The following KCND2 variants were observed in gnomAD, a reference collection of about 807,000 sequenced individuals.
KCND2 encodes the protein potassium voltage-gated channel subfamily D member 2.
KCND2 carries 16 observed loss-of-function variants against 54.4 expected under a neutral mutation model. That is an observed-to-expected ratio of 0.29 (90% CI 0.20 to 0.45). KCND2 has a LOEUF of 0.45. Ranked by LOEUF, KCND2 falls within the 20% of genes least tolerant of loss-of-function variation. The probability of loss-of-function intolerance (pLI) is 1.00; values close to 1 mark genes in which losing one functional copy is unlikely to be tolerated. For missense variants in KCND2, 486 were observed against 824.2 expected (o/e 0.59, Z 5.02); for synonymous variants, 317 against 310.7 (o/e 1.02, Z -0.21).
intron 1 of KCND2, among the ~76,000 whole-genome samples, chr7:120,411,366 C>CT: frequency 6.6e-6 from 1 of 151,586 alleles, no homozygotes; most frequent in South Asian, 2.1e-4. Context: ...TTTGTCATGA[C>CT]TTTTTTTCTA....
At chr7:120,500,812 A>G (rs1802920638) in intron 1 of KCND2, among the ~76,000 whole-genome samples, 1 of 150,064 alleles carries the variant, frequency 6.7e-6, no homozygotes, top group Admixed American at 6.7e-5. Flanking sequence ...TTTATATTAT[A>G]TATTTAAATT....
chr7:120,426,785 C>CTAATT (rs2116151359), intron 1 of KCND2, among the ~76,000 whole-genome samples: 1 of 151,974 alleles, frequency 6.6e-6, no homozygotes, highest in East Asian at 1.9e-4. Flanking sequence ...CCATGCCCGG[C>CTAATT]TAATTTTTTG....
intron 1 of KCND2, among the ~76,000 whole-genome samples, chr7:120,609,907 T>G (rs1792931726): frequency 1.3e-5 from 2 of 152,148 alleles, no homozygotes; most frequent in Admixed American, 1.3e-4. Context: ...AGAACAGTAT[T>G]AAATTATCCA....
intron 1 of KCND2, among the ~76,000 whole-genome samples, chr7:120,291,793 C>A (rs1474706232): frequency 6.6e-6 from 1 of 151,976 alleles, no homozygotes; most frequent in African/African-American, 2.4e-5. Flanking sequence ...CTGTTTAAGG[C>A]TCTGAAATGA....
chr7:120,573,045 C>G (rs1241270029), intron 1 of KCND2, among the ~76,000 whole-genome samples: 1 of 152,006 alleles, frequency 6.6e-6, no homozygotes, highest in Non-Finnish European at 1.5e-5. Context: ...CATAAAAATC[C>G]TTTTTAGATT....
chr7:120,377,821 G>T (rs955599867), intron 1 of KCND2, among the ~76,000 whole-genome samples: 2 of 151,878 alleles, frequency 1.3e-5, no homozygotes, highest in Non-Finnish European at 2.9e-5. Context: ...CACCCAGAAA[G>T]CCTCTGTGTG....
chr7:120,714,231 T>C (rs1269184074), intron 1 of KCND2, among the ~76,000 whole-genome samples: 1 of 152,150 alleles, frequency 6.6e-6, no homozygotes, highest in Admixed American at 6.6e-5. Flanking sequence ...AGAATGCTAC[T>C]AAGATGTTCA....
intron 1 of KCND2, among the ~76,000 whole-genome samples, chr7:120,580,896 C>T (rs991028045): frequency 1.6e-4 from 24 of 152,104 alleles, no homozygotes; most frequent in Admixed American, 5.2e-4. Context: ...GCCAAATTAC[C>T]TTAGTGTAAG....
In KCND2 at chr7:120,275,113, G is replaced by A; in HGVS notation, c.481G>A (p.Ala161Thr). 6.2e-7 allele frequency: 1 copy of A among 1,613,660 alleles called. No homozygotes were observed. Among genetic ancestry groups the A allele is most frequent in the South Asian group, 1.1e-5 (1 of 91,074 alleles). ...GGATACCGACACCGCTGGGGAGAGC[G>A]CCTTGCCCACCATGACTGCAAGGCA... ...DADTDTAGES[A>T]LPTMTARQRV... Residue 161 changes from alanine (A) to threonine (T), a missense_variant, in exon 1 of 6, where the codon GCC (alanine) becomes ACC (threonine). Coordinates refer to ENST00000331113, the MANE Select transcript of KCND2 (RefSeq NM_012281.3).
intron 1 of KCND2, 140 bp downstream of exon 1, chr7:120,275,887 CA>C: frequency 2.1e-6 from 2 of 946,464 alleles, no homozygotes; most frequent in Non-Finnish European, 3.2e-6. Flanking sequence ...AATGGTTTGG[CA>C]AAACTCTTTT....
intron 1 of KCND2, among the ~76,000 whole-genome samples, chr7:120,723,837 T>G (rs1264502570): frequency 1.3e-5 from 2 of 152,200 alleles, no homozygotes; most frequent in African/African-American, 2.4e-5. Flanking sequence ...GTGGCAGGTC[T>G]CGCCACTTCT....
intron 1 of KCND2, among the ~76,000 whole-genome samples, chr7:120,291,909 T>G (rs1284712054): frequency 6.6e-6 from 1 of 151,906 alleles, no homozygotes; most frequent in Non-Finnish European, 1.5e-5. Flanking sequence ...GAACCTGATT[T>G]TCCTTCTGCC....
At chr7:120,528,204 G>C (rs1791800409) in intron 1 of KCND2, among the ~76,000 whole-genome samples, 1 of 152,072 alleles carries the variant, frequency 6.6e-6, no homozygotes, top group African/African-American at 2.4e-5. Context: ...GATCAGGAAA[G>C]CTTCTTTATA....
chr7:120,731,173 C>T (rs887618491), intron 1 of KCND2, among the ~76,000 whole-genome samples: 2 of 152,166 alleles, frequency 1.3e-5, no homozygotes, highest in Non-Finnish European at 2.9e-5. Flanking sequence ...TAGGAGCTGG[C>T]CTTATGCTCA....
chr7:120,312,499 T>G (rs1264767798), intron 1 of KCND2, among the ~76,000 whole-genome samples: 2 of 152,192 alleles, frequency 1.3e-5, no homozygotes, highest in Non-Finnish European at 2.9e-5. Context: ...AAGTATTTAC[T>G]GAGTTCATGC....
intron 1 of KCND2, among the ~76,000 whole-genome samples, chr7:120,461,843 G>T (rs1802288381): frequency 6.6e-6 from 1 of 151,780 alleles, no homozygotes; most frequent in South Asian, 2.1e-4. Flanking sequence ...TTTTTCCATT[G>T]CAGAGCTAAC....
At chr7:120,343,451 A>G (rs1800270872) in intron 1 of KCND2, among the ~76,000 whole-genome samples, 1 of 152,172 alleles carries the variant, frequency 6.6e-6, no homozygotes, top group Admixed American at 6.6e-5. Context: ...CGACACATCA[A>G]TGTGGTTTGT....
chr7:120,301,903 A>G, intron 1 of KCND2, among the ~76,000 whole-genome samples: 1 of 152,156 alleles, frequency 6.6e-6, no homozygotes, highest in Admixed American at 6.6e-5. Flanking sequence ...TAACCATATG[A>G]TAACTTTTTT....
chr7:120,547,382 AGTCG>A (rs1410133622), intron 1 of KCND2, among the ~76,000 whole-genome samples: 1 of 151,886 alleles, frequency 6.6e-6, no homozygotes, highest in Non-Finnish European at 1.5e-5. Context: ...TCTCTGTAAA[AGTCG>A]GTTTTTGTAG....
Sources: gnomAD v4.1 joint callset for allele counts (sites outside exome capture counted in the v4.1 genomes callset) on GRCh38, gnomAD v4.1.1 for gene constraint, MANE v1.5 for transcripts, NCBI Gene and HGNC (gene_info 2026-07-23, HGNC 2026-07-21) for gene names.